The following VGLL4 variants were observed in gnomAD, a reference collection of about 807,000 sequenced individuals.
VGLL4 encodes the protein transcription cofactor vestigial-like protein 4.
A neutral mutation model predicts 21.0 loss-of-function variants in VGLL4; 7 were observed. The observed-to-expected ratio is 0.33, with a 90% CI of 0.19 to 0.63. The LOEUF (loss-of-function observed/expected upper bound fraction) is 0.63. VGLL4 is among the 20% of genes least tolerant of loss of function. VGLL4 has a pLI of 0.78. For missense variants in VGLL4, 394 were observed against 425.7 expected, an observed-to-expected ratio of 0.93 and a Z score of 0.66; for synonymous variants, 222 against 173.2, an observed-to-expected ratio of 1.28 and a Z score of -2.21.
At chr3:11,646,076 T>C (rs2075786353), upstream of VGLL4, among the ~76,000 whole-genome samples, 1 of 152,210 alleles carries the variant, frequency 6.6e-6, no homozygotes, top group African/African-American at 2.4e-5. Context: ...GGGAAGTAAG[T>C]AATAGGGGAA....
intron 1 of VGLL4, among the ~76,000 whole-genome samples, chr3:11,704,671 C>T (rs1347846464): frequency 6.6e-6 from 1 of 152,126 alleles, no homozygotes; most frequent in African/African-American, 2.4e-5. Flanking sequence ...TTTGAGGAAG[C>T]CTGGAGTAAA....
At chr3:11,578,743 A>ATTTTTT (rs1575407783) in intron 2 of VGLL4, among the ~76,000 whole-genome samples, 3 of 67,058 alleles carry the variant, frequency 4.5e-5, no homozygotes, top group Non-Finnish European at 6.3e-5. Flanking sequence ...TCTACTGTAT[A>ATTTTTT]TTTTCTTTTT....
At chr3:11,690,900 C>A (rs1188848516) in intron 2 of VGLL4, among the ~76,000 whole-genome samples, 1 of 151,740 alleles carries the variant, frequency 6.6e-6, no homozygotes, top group African/African-American at 2.4e-5. Flanking sequence ...CATCAGATGC[C>A]AAGTCAACGA....
In VGLL4 at chr3:11,568,853, C is replaced by A; in HGVS notation, c.273-3834G>T. 7.2e-7 allele frequency: 1 copy of A among 1,381,676 alleles called. No individual in the cohort carries two copies. Among genetic ancestry groups the A allele is most frequent in the Non-Finnish European group, 9.4e-7 (1 of 1,067,984 alleles). The allele number at this position is 1,381,676 out of a possible 1,614,324, so 85.6% of individuals were successfully genotyped here. A position where few individuals can be genotyped will look rare whatever the true frequency, so the allele number is the denominator to read the frequency against. ...GGACTCTGAGTGGCTCCGTGCCAGG[C>A]CTATCAGAGCCGCTGAGGCTGCACG... is the stretch of plus-strand genomic sequence containing the variant. On this transcript the variant is annotated intron_variant, in intron 2 of 4. Transcript: ENST00000430365. This position sits in a 1 kb window ranked among gnomAD's most constrained non-coding sequence, Gnocchi z 5.9.
intron 2 of VGLL4, among the ~76,000 whole-genome samples, chr3:11,672,386 T>A (rs1042313284): frequency 5.4e-5 from 8 of 147,912 alleles, no homozygotes; most frequent in African/African-American, 1.5e-4. Context: ...TGTTTTTTTT[T>A]AATCCTGTTG....
chr3:11,718,709 G>A (rs2076951183), intron 1 of VGLL4, among the ~76,000 whole-genome samples: 1 of 152,046 alleles, frequency 6.6e-6, no homozygotes, highest in African/African-American at 2.4e-5. Context: ...CCACAAACTG[G>A]GAGACAGTGC....
intron 1 of VGLL4, chr3:11,720,382 A>T (rs1462122325): frequency 1.3e-5 from 2 of 151,980 alleles, no homozygotes; most frequent in African/African-American, 4.8e-5. Flanking sequence ...CCGACGGCCG[A>T]CGGCCACGCA....
At chr3:11,652,937 A>T (rs1300504252) in intron 2 of VGLL4, among the ~76,000 whole-genome samples, 2 of 152,214 alleles carry the variant, frequency 1.3e-5, no homozygotes, top group African/African-American at 4.8e-5. Context: ...CCATTCAAAG[A>T]ACATTCACAA....
chr3:11,659,326 C>CTTTTTTTT (rs5846714), intron 2 of VGLL4, among the ~76,000 whole-genome samples: 3 of 70,818 alleles, frequency 4.2e-5, no homozygotes, highest in African/African-American at 5.3e-5. Flanking sequence ...TTTTCTTTTT[C>CTTTTTTTT]TTTTTTTTTT....
chr3:11,639,599 G>A (rs116426873), intron 1 of VGLL4, among the ~76,000 whole-genome samples: 2,610 of 152,336 alleles, frequency 0.017, 23 homozygotes, highest in Non-Finnish European at 0.027. Flanking sequence ...TAAGCCCGGC[G>A]CGGTGGCTCA....
intron 2 of VGLL4, among the ~76,000 whole-genome samples, chr3:11,662,951 T>G (rs12639505): frequency 0.18 from 26,985 of 152,200 alleles, 2,567 homozygotes; most frequent in South Asian, 0.28. Flanking sequence ...AAACACATTT[T>G]ATAACATAAA....
intron 1 of VGLL4, among the ~76,000 whole-genome samples, chr3:11,615,048 T>G (rs55899212): frequency 0.15 from 23,102 of 152,168 alleles, 2,061 homozygotes; most frequent in South Asian, 0.26. Flanking sequence ...TTTTTGAAAG[T>G]ATTAATAAGT....
chr3:11,704,250 G>T (rs1324923037), intron 1 of VGLL4, among the ~76,000 whole-genome samples: 1 of 151,676 alleles, frequency 6.6e-6, no homozygotes, highest in Non-Finnish European at 1.5e-5. Context: ...GGGTATGGTG[G>T]CCCATGCTTG....
intron 2 of VGLL4, among the ~76,000 whole-genome samples, chr3:11,683,573 G>A (rs1451833281): frequency 1.3e-5 from 2 of 152,166 alleles, no homozygotes; most frequent in African/African-American, 4.8e-5. Context: ...AAAATGCGAT[G>A]TGATAACCTG....
chr3:11,569,774 T>TG lies in VGLL4; in HGVS notation c.273-4756dup, dbSNP rs1161780322. Among the ~76,000 whole-genome samples the TG allele has an allele frequency of 6.6e-5, 10 of 152,130 alleles. 1 individual carries two copies. Among genetic ancestry groups the TG allele is most frequent in the Admixed American group, 6.5e-4 (10 of 15,284 alleles). ...ACGTGCACCTGTGGTCCCAGCTACT[T>TG]GGAGGCTGAAGTGGGAGGATCACCT... On this transcript the variant is annotated intron_variant, in intron 2 of 4. Transcript: ENST00000430365.
At chr3:11,560,828 CG>C (rs1256719035) in intron 3 of VGLL4, among the ~76,000 whole-genome samples, 3 of 152,260 alleles carry the variant, frequency 2.0e-5, no homozygotes, top group Admixed American at 2.0e-4. Context: ...AGAGAGAACC[CG>C]GGCAGGTGGA....
At chr3:11,651,683 CCAAAA>C (rs2075874771) in intron 2 of VGLL4, among the ~76,000 whole-genome samples, 1 of 151,426 alleles carries the variant, frequency 6.6e-6, no homozygotes. Context: ...AAAGGAGAAA[CCAAAA>C]CAAAACAAAC....
chr3:11,710,636 C>G (rs1462288189), intron 1 of VGLL4: 2 of 152,246 alleles, frequency 1.3e-5, no homozygotes, highest in African/African-American at 4.8e-5. Flanking sequence ...AATAAAATAC[C>G]CTAATTCCTG....
intron 2 of VGLL4, among the ~76,000 whole-genome samples, chr3:11,584,728 C>A (rs951342212): frequency 6.6e-6 from 1 of 150,856 alleles, no homozygotes; most frequent in African/African-American, 2.4e-5. Flanking sequence ...GAAAAAGGGG[C>A]AACTTACTGG....
Sources: gnomAD v4.1 joint callset for allele counts (sites outside exome capture counted in the v4.1 genomes callset) on GRCh38, gnomAD v4.1.1 for gene constraint, Gnocchi (gnomAD v3.1) non-coding constraint, MANE v1.5 for transcripts, NCBI Gene and HGNC (gene_info 2026-07-23, HGNC 2026-07-21) for gene names.